Variants in MYH14 observed in about 807,000 individuals in gnomAD.
MYH14 encodes myosin heavy chain 14.
Under a neutral mutation model 255.5 loss-of-function variants are expected in MYH14, and 123 were observed. The observed-to-expected ratio is 0.48, with a 90% CI of 0.42 to 0.56. MYH14 has a LOEUF of 0.56. Ranked by LOEUF, MYH14 falls within the 20% of genes least tolerant of loss-of-function variation. The pLI is 0.00. For synonymous variants in MYH14, 1,095 were observed against 1,161.2 expected (o/e 0.94, Z 1.16); for missense variants, 2,423 against 2,802.3 (o/e 0.86, Z 3.06).
chr19:50,252,793 T>G lies in MYH14; in HGVS notation c.1945+40T>G, dbSNP rs1306384579. The G allele has an allele frequency of 7.1e-7, 1 of 1,402,900 alleles. No homozygotes were observed. Among genetic ancestry groups the G allele is most frequent in the South Asian group, 1.2e-5 (1 of 80,944 alleles). The allele number at this position is 1,402,900 out of a possible 1,614,324, so 86.9% of individuals were successfully genotyped here. Reference sequence around the variant, plus strand: ...CCCCCACCCCGGCTCTAGGGGTCTGTGCGGCCATTCTCCAAATCCACAGCG... The same window carrying G: ...CCCCCACCCCGGCTCTAGGGGTCTGGGCGGCCATTCTCCAAATCCACAGCG... On this transcript the variant is annotated intron_variant, in intron 16 of 42. Coordinates refer to ENST00000642316, the MANE Select transcript of MYH14 (RefSeq NM_001145809.2). This position sits in a 1 kb window ranked among gnomAD's most constrained non-coding sequence, Gnocchi z 4.2.
chr19:50,293,439 CG>C lies in MYH14; in HGVS notation c.5346-121del. ...ACTGGGAGGTGGGCGGGGTTAACCT[CG>C]GGGCCCCTGGGGTGTGAGGCTGGGG... On this transcript the variant is annotated intron_variant, in intron 38 of 42. Transcript: ENST00000642316. The surrounding 1 kb of genome is among the most constrained non-coding windows in gnomAD (Gnocchi z 4.1). 1 of 1,534,248 alleles carries C rather than the reference CG, an allele frequency of 6.5e-7. No individual in the cohort carries two copies. The highest frequency in any genetic ancestry group is 8.8e-7 in the Non-Finnish European group (1 of 1,130,212).
intron 3 of MYH14, among the ~76,000 whole-genome samples, chr19:50,222,646 C>T (rs1278721471): frequency 2.6e-5 from 4 of 152,050 alleles, no homozygotes; most frequent in East Asian, 1.9e-4. Context: ...CCATGCCTGG[C>T]GCTCAGTAGG....
At chr19:50,206,438 G>A (rs1005552784) in intron 1 of MYH14, among the ~76,000 whole-genome samples, 1 of 151,904 alleles carries the variant, frequency 6.6e-6, no homozygotes, top group Admixed American at 6.6e-5. Context: ...GGGGGTGAGG[G>A]TAAAGTCCCA....
chr19:50,260,561 C>A, intron 19 of MYH14, 85 bp from the exon 20 acceptor site: 1 of 881,910 alleles, frequency 1.1e-6, no homozygotes, highest in Non-Finnish European at 1.9e-6. Context: ...GTGTGTCACT[C>A]TGAGCCCAGT....
At chr19:50,214,057 T>C (rs2032342368) in intron 2 of MYH14, among the ~76,000 whole-genome samples, 1 of 152,212 alleles carries the variant, frequency 6.6e-6, no homozygotes, top group Non-Finnish European at 1.5e-5. Context: ...ACTCCTGGAC[T>C]CAAGTGATCC....
At chr19:50,247,192 T>C in intron 12 of MYH14, 70 bp downstream of exon 12, 1 of 1,087,420 alleles carries the variant, frequency 9.2e-7, no homozygotes, top group Non-Finnish European at 1.4e-6. Flanking sequence ...TTAAACAGTG[T>C]ATGCTGTTTT....
chr19:50,210,248 C>A, intron 1 of MYH14, 115 bp from the exon 2 acceptor site: 1 of 966,530 alleles, frequency 1.0e-6, no homozygotes, highest in Non-Finnish European at 1.5e-6. Flanking sequence ...AGAAGTATGG[C>A]AAGAGGTCTG....
chr19:50,204,900 C>CT (rs78642872), intron 1 of MYH14, among the ~76,000 whole-genome samples: 17,786 of 144,774 alleles, frequency 0.12, 1,094 homozygotes, highest in African/African-American at 0.14. Context: ...GTCTCTCCCT[C>CT]TTTTTTTTTT....
Position 50,266,665 on chromosome 19 carries a change from C to T in MYH14, c.2695-212C>T, listed in dbSNP as rs2035094124. Among the ~76,000 whole-genome samples, 1 of 152,212 alleles carries T rather than the reference C, an allele frequency of 6.6e-6. No individual in the cohort carries two copies. Among genetic ancestry groups the T allele is most frequent in the African/African-American group, 2.4e-5 (1 of 41,442 alleles). ...CTTGGATGTGGAAGGATCCTTTAGC[C>T]AGAGAGATTAGATAGATCAATAGTG... On this transcript the variant is annotated intron_variant, in intron 22 of 42. Transcript: ENST00000642316. This position sits in a 1 kb window ranked among gnomAD's most constrained non-coding sequence, Gnocchi z 4.1.
chr19:50,286,025 A>C (rs1257973528), intron 33 of MYH14: 1 of 152,906 alleles, frequency 6.5e-6, no homozygotes, highest in Non-Finnish European at 1.5e-5. Context: ...CTTATCATGA[A>C]GTCCTTGTGT....
intron 34 of MYH14, among the ~76,000 whole-genome samples, 199 bp downstream of exon 34, chr19:50,286,893 G>A (rs533693631): frequency 7.2e-5 from 11 of 152,272 alleles, no homozygotes; most frequent in South Asian, 2.1e-4. Context: ...CAAGGTGGGC[G>A]GATCACCTGA....
Position 50,293,634 on chromosome 19 carries a change from G to A in MYH14, c.5416G>A (p.Glu1806Lys). 2 of 1,612,428 alleles carry A rather than the reference G, an allele frequency of 1.2e-6. No individual in the cohort carries two copies. Among genetic ancestry groups the A allele is most frequent in the East Asian group, 4.5e-5 (2 of 44,876 alleles). ...LGQLEEELEE[E>K]QSNSELLNDR... Reference sequence around the variant, plus strand: ...GCAGTTGGAGGAAGAGCTGGAGGAGGAGCAGAGCAACTCGGAGCTGCTCAA... The same window carrying A: ...GCAGTTGGAGGAAGAGCTGGAGGAGAAGCAGAGCAACTCGGAGCTGCTCAA... The change falls in exon 39 of 43, where the codon GAG becomes AAG. Residue 1806 changes from glutamate (E) to lysine (K), a missense_variant. Glu to Lys is a moderately conservative substitution (Grantham distance 56, BLOSUM62 1). Coordinates refer to ENST00000642316, the MANE Select transcript of MYH14 (RefSeq NM_001145809.2). The surrounding 1 kb of genome is among the most constrained non-coding windows in gnomAD (Gnocchi z 4.1).
At chr19:50,215,831 GA>G (rs2032445679) in intron 2 of MYH14, among the ~76,000 whole-genome samples, 1 of 151,958 alleles carries the variant, frequency 6.6e-6, no homozygotes, top group Non-Finnish European at 1.5e-5. Flanking sequence ...AAAAACAAAA[GA>G]AAAAGATAGT....
intron 39 of MYH14, among the ~76,000 whole-genome samples, chr19:50,294,243 C>T (rs774771698): frequency 6.6e-6 from 1 of 151,896 alleles, no homozygotes; most frequent in South Asian, 2.1e-4. Flanking sequence ...GGAGGAAACA[C>T]GGGCACTGTG....
At chr19:50,241,617 GTCC>G (rs1430472639) in intron 10 of MYH14, among the ~76,000 whole-genome samples, 1 of 150,528 alleles carries the variant, frequency 6.6e-6, no homozygotes, top group Non-Finnish European at 1.5e-5. Flanking sequence ...CACAGTGGCT[GTCC>G]TCCTGGAAAA....
intron 27 of MYH14, among the ~76,000 whole-genome samples, chr19:50,275,447 C>T (rs1366014045): frequency 2.0e-5 from 3 of 152,240 alleles, no homozygotes; most frequent in Non-Finnish European, 4.4e-5. Context: ...ACAAGTAAAG[C>T]ACTGGCATGA....
chr19:50,207,382 G>C (rs1306275502), intron 1 of MYH14, among the ~76,000 whole-genome samples: 1 of 150,348 alleles, frequency 6.7e-6, no homozygotes, highest in Non-Finnish European at 1.5e-5. Context: ...TTCCTGCCTG[G>C]TGCTTGGACC....
chr19:50,259,677 G>A (rs951590676), intron 19 of MYH14, among the ~76,000 whole-genome samples: 2 of 151,970 alleles, frequency 1.3e-5, no homozygotes, highest in East Asian at 1.9e-4. Context: ...TCGGAAGTTC[G>A]AGACCAGCCT....
At chr19:50,232,614 A>AC (rs2033460537) in intron 10 of MYH14, among the ~76,000 whole-genome samples, 1 of 150,894 alleles carries the variant, frequency 6.6e-6, no homozygotes, top group Admixed American at 6.6e-5. Context: ...AAAAAAAAAA[A>AC]AACAAAAAGA....
Sources: allele counts gnomAD v4.1 joint callset (sites outside exome capture counted in the v4.1 genomes callset), GRCh38; gene constraint gnomAD v4.1.1; non-coding constraint Gnocchi (gnomAD v3.1); transcripts MANE v1.5; gene names NCBI Gene and HGNC (gene_info 2026-07-23, HGNC 2026-07-21).